Variants in CD177 observed in about 807,000 individuals in gnomAD.
CD177 encodes the protein CD177 antigen.
Under a neutral mutation model 38.1 loss-of-function variants are expected in CD177, and 41 were observed. The observed-to-expected ratio is 1.07, with a 90% confidence interval of 0.84 to 1.39. The LOEUF is 1.39. Ranked by LOEUF, CD177 falls within the 40% of genes most tolerant of loss-of-function variation. The pLI, the probability that CD177 is intolerant of heterozygous loss-of-function variation, is 0.00. For missense variants in CD177, 619 were observed against 523.8 expected, an observed-to-expected ratio of 1.18 and a Z score of -1.77; for synonymous variants, 236 against 216.7, an observed-to-expected ratio of 1.09 and a Z score of -0.78.
Position 43,354,219 on chromosome 19 carries a change from G to T in CD177, c.206G>T (p.Ser69Ile). The change falls in exon 3 of 9, where the codon AGC becomes ATC. Residue 69 changes from serine (S) to isoleucine (I), a missense_variant. Ser to Ile is a moderately radical substitution (Grantham distance 142, BLOSUM62 -2). Coordinates refer to ENST00000618265, the MANE Select transcript of CD177 (RefSeq NM_020406.4). ...LMLIESGPQV[S>I]LVLSKGCTEA... ...TCTTTCGGTCCAGGACCCCAAGTGA[G>T]CCTGGTGCTCTCCAAGGGCTGCACG... 1 of 1,613,208 alleles carries T rather than the reference G, an allele frequency of 6.2e-7. No individual in the cohort carries two copies. Among genetic ancestry groups the T allele is most frequent in the Non-Finnish European group, 8.5e-7 (1 of 1,179,628 alleles).
Position 43,361,560 on chromosome 19 carries a change from G to T in CD177, c.1062G>T (p.Gly354=). Residue 354 remains glycine, a synonymous_variant, in exon 8 of 9, where the codon GGG becomes GGT. Coordinates refer to ENST00000618265, the MANE Select transcript of CD177 (RefSeq NM_020406.4). ...CPRGATHCYD[G]YIHLSGGGLS... is the part of the protein sequence containing the mutation. ...GGGGCGCCACTCATTGTTATGATGG[G>T]TACATTCATCTCTCAGGAGGTGAGT... 2.5e-6 allele frequency: 4 copies of T among 1,574,064 alleles called. No individual in the cohort carries two copies. The East Asian group carries it at 9.2e-5, about 36-fold the overall frequency.
downstream of CD177, among the ~76,000 whole-genome samples, chr19:43,364,069 A>G (rs536230172): frequency 1.4e-3 from 217 of 152,224 alleles, no homozygotes; most frequent in African/African-American, 4.9e-3. Flanking sequence ...GCGACAGAGC[A>G]AGACCCTGTC....
At chr19:43,354,526 C>G in intron 3 of CD177, 134 bp downstream of exon 3, 1 of 880,224 alleles carries the variant, frequency 1.1e-6, no homozygotes, top group Non-Finnish European at 1.8e-6. Flanking sequence ...CCTCCCCTGA[C>G]TGCTCCCTGA....
At chr19:43,363,315 C>G (rs1970001144), downstream of CD177, 3 of 152,158 alleles carry the variant, frequency 2.0e-5, no homozygotes, top group African/African-American at 7.2e-5. Flanking sequence ...CATTGGGTCT[C>G]TCTTACCACC....
chr19:43,362,401 G>A lies in CD177; in HGVS notation c.*81G>A. The A allele has an allele frequency of 1.6e-6, 1 of 623,442 alleles. No homozygotes were observed. The highest frequency in any genetic ancestry group is 1.8e-5 in the African/African-American group (1 of 54,358). 38.6% of individuals were successfully genotyped at this position (623,442 alleles called of 1,614,324 possible). ...CTGACCTCATAACCTAATGGCCTTG[G>A]ACACCAGATTCTTTCCCATTCTGTC... On this transcript the variant is annotated 3_prime_UTR_variant, in exon 9 of 9. Transcript: ENST00000618265.
chr19:43,360,214 C>G (rs1969940599), intron 5 of CD177, 51 bp from the exon 6 acceptor site: 1 of 1,595,702 alleles, frequency 6.3e-7, no homozygotes, highest in Admixed American at 1.7e-5. Context: ...CGTGGAGGGA[C>G]AGACATGGTG....
Position 43,361,045 on chromosome 19 carries a change from C to G in CD177, c.761-98C>G, listed in dbSNP as rs1200604603. The G allele has an allele frequency of 1.4e-5, 9 of 633,390 alleles. No individual in the cohort carries two copies. In the African/African-American group the frequency reaches 1.7e-4, roughly 12 times the overall value. The allele number at this position is 633,390 out of a possible 1,614,324, so 39.2% of individuals were successfully genotyped here. On this transcript the variant is annotated intron_variant, in intron 6 of 8. Transcript: ENST00000618265. ...TTGTGATCAGGGCATTCACCCTCTG[C>G]CTGGGGGGTATTGTGAAGGGCAGGG...
At chr19:43,354,183 G>A (rs769213233) in intron 2 of CD177, 24 bp from the exon 3 acceptor site, 27 of 1,603,240 alleles carry the variant, frequency 1.7e-5, no homozygotes, top group Middle Eastern at 1.8e-4. Context: ...CTCCATCCTC[G>A]CTTGCCTCCC....
intron 2 of CD177, 32 bp downstream of exon 2, chr19:43,354,025 C>T (rs1401899566): frequency 9.4e-6 from 15 of 1,604,164 alleles, no homozygotes; most frequent in Non-Finnish European, 1.3e-5. Flanking sequence ...GAGACCCCGC[C>T]CTGTCCCCTC....
chr19:43,360,243 A>G, intron 5 of CD177, 22 bp from the exon 6 acceptor site: 6 of 1,611,188 alleles, frequency 3.7e-6, no homozygotes, highest in Non-Finnish European at 5.1e-6. Context: ...GCTTACACAC[A>G]CCCTGGGATT....
chr19:43,354,552 G>C (rs1173671173), intron 3 of CD177, 160 bp downstream of exon 3: 32 of 703,070 alleles, frequency 4.6e-5, no homozygotes, highest in Admixed American at 1.0e-4. Flanking sequence ...GCCCCGCCCC[G>C]CTCCCTTTCC....
downstream of CD177, among the ~76,000 whole-genome samples, chr19:43,365,220 G>A (rs968106539): frequency 4.3e-5 from 6 of 140,730 alleles, no homozygotes; most frequent in Non-Finnish European, 9.2e-5. Context: ...GTAAAATGAC[G>A]CCTTCCAGGG....
chr19:43,355,040 C>A (rs927729232), intron 3 of CD177, among the ~76,000 whole-genome samples: 2 of 146,530 alleles, frequency 1.4e-5, no homozygotes, highest in African/African-American at 2.5e-5. Context: ...CTCAGCAGGC[C>A]CCTCCTCCAC....
rs140028442 is a variant in CD177, at chr19:43,354,001, G to T, written c.193+8G>T. 5 of 1,612,966 alleles carry T rather than the reference G, an allele frequency of 3.1e-6. No individual in the cohort carries two copies. The East Asian group carries it at 1.1e-4, about 36-fold the overall frequency. On this transcript the variant is annotated splice_region_variant and intron_variant, in intron 2 of 8. Coordinates refer to ENST00000618265, the MANE Select transcript of CD177 (RefSeq NM_020406.4). ...TGATGCTCATTGAGAGCGGTGAGAA[G>T]GCCCTGGCGTGCAGAGACCCCGCCC...
intron 6 of CD177, chr19:43,360,836 A>T (rs1568444836): frequency 5.7e-6 from 3 of 530,284 alleles, no homozygotes; most frequent in Non-Finnish European, 6.8e-6. Flanking sequence ...CCAGCTCTGC[A>T]GAGAAATCTG....
In CD177 at chr19:43,353,930, C is replaced by G. The variant is rs752085844; in HGVS notation, c.130C>G (p.Pro44Ala). The G allele has an allele frequency of 1.2e-6, 2 of 1,613,878 alleles. No homozygotes were observed. Among genetic ancestry groups the G allele is most frequent in the East Asian group, 2.2e-5 (1 of 44,860 alleles). Residue 44 changes from proline to alanine, a missense_variant, in exon 2 of 9, where the codon CCT becomes GCT. Pro to Ala is a conservative substitution (Grantham distance 27). Coordinates refer to ENST00000618265, the MANE Select transcript of CD177 (RefSeq NM_020406.4). Reference sequence around the variant, plus strand: ...GTCCGACCTGCCCCGGCAATGGACCCCTAAGAACACCAGCTGCGACAGCGG... The same window carrying G: ...GTCCGACCTGCCCCGGCAATGGACCGCTAAGAACACCAGCTGCGACAGCGG... ...KVSDLPRQWT[P>A]KNTSCDSGLG...
At chr19:43,360,139 G>C (rs1487574047) in intron 5 of CD177, 126 bp from the exon 6 acceptor site, 2 of 1,136,054 alleles carry the variant, frequency 1.8e-6, no homozygotes, top group Non-Finnish European at 2.5e-6. Context: ...CCTTGGTTAA[G>C]GGAATCTGTG....
chr19:43,354,494 C>A, intron 3 of CD177, 102 bp downstream of exon 3: 4 of 1,255,850 alleles, frequency 3.2e-6, no homozygotes, highest in Non-Finnish European at 4.5e-6. Flanking sequence ...CGCTCGCTAT[C>A]CCGACCCTCG....
In CD177 at chr19:43,362,619, C is replaced by G; in HGVS notation, c.*299C>G. 1 of 269,200 alleles carries G rather than the reference C, an allele frequency of 3.7e-6. No homozygotes were observed. The highest frequency in any genetic ancestry group is 7.0e-6 in the Non-Finnish European group (1 of 143,648). 16.7% of individuals were successfully genotyped at this position (269,200 alleles called of 1,614,324 possible). On this transcript the variant is annotated 3_prime_UTR_variant, in exon 9 of 9. Transcript: ENST00000618265. ...CTCCATGTGAGGGGGCAGCAGGACACCCAGGGATCTAGCGTGGGGGAGGAG... is the reference window on the plus strand; with the variant it reads ...CTCCATGTGAGGGGGCAGCAGGACAGCCAGGGATCTAGCGTGGGGGAGGAG...
Sources: gnomAD v4.1 joint callset for allele counts (sites outside exome capture counted in the v4.1 genomes callset) on GRCh38, gnomAD v4.1.1 for gene constraint, MANE v1.5 for transcripts, NCBI Gene and HGNC (gene_info 2026-07-23, HGNC 2026-07-21) for gene names.